MPP7: variants seen among roughly 807,000 people sequenced by gnomAD.
MPP7 encodes the protein MAGUK p55 scaffold protein 7, also known as MAGUK p55 subfamily member 7.
MPP7 carries 60 observed loss-of-function variants against 76.5 expected under a neutral mutation model. That is an observed-to-expected ratio of 0.78 (90% CI 0.64 to 0.97). The LOEUF is 0.97. Among genes scored for constraint, MPP7 ranks in the 50% least tolerant of loss-of-function variants. The pLI, the probability that MPP7 is intolerant of heterozygous loss-of-function variation, is 0.00. For synonymous variants in MPP7, 237 were observed against 244.5 expected (o/e 0.97, Z 0.29); for missense variants, 641 against 694.0 (o/e 0.92, Z 0.86).
At chr10:28,180,666 A>C (rs1837029894) in intron 3 of MPP7, among the ~76,000 whole-genome samples, 1 of 152,196 alleles carries the variant, frequency 6.6e-6, no homozygotes, top group Non-Finnish European at 1.5e-5. Flanking sequence ...ATAACAACGA[A>C]AGTTTATATT....
chr10:28,199,302 C>T (rs1837693648), intron 3 of MPP7, among the ~76,000 whole-genome samples: 1 of 152,140 alleles, frequency 6.6e-6, no homozygotes, highest in African/African-American at 2.4e-5. Flanking sequence ...ACTTCTCAGG[C>T]ATTCTCTCAG....
At chr10:28,059,297 T>C (rs1851684377) in intron 14 of MPP7, among the ~76,000 whole-genome samples, 2 of 152,164 alleles carry the variant, frequency 1.3e-5, no homozygotes, top group Admixed American at 1.3e-4. Context: ...ACGCTGGACC[T>C]AGTGATATAC....
chr10:28,194,007 T>C (rs911411037), intron 3 of MPP7, among the ~76,000 whole-genome samples: 5 of 151,978 alleles, frequency 3.3e-5, no homozygotes, highest in African/African-American at 1.2e-4. Context: ...AGCTTCTTTT[T>C]GTTTGTTTGT....
chr10:28,167,310 C>CAAAAAAAA (rs747188721), intron 3 of MPP7, among the ~76,000 whole-genome samples: 1,480 of 67,584 alleles, frequency 0.022, 22 homozygotes, highest in Admixed American at 0.031. Flanking sequence ...GGCTCTGCCT[C>CAAAAAAAA]AAAAAAACAA....
At chr10:28,322,451 G>GA (rs1834376566) in intron 2 of MPP7, among the ~76,000 whole-genome samples, 2 of 152,046 alleles carry the variant, frequency 1.3e-5, no homozygotes. Context: ...AAAAAACTTT[G>GA]AAAAACCCTC....
At chr10:28,189,891 G>C (rs2124954) in intron 3 of MPP7, among the ~76,000 whole-genome samples, 76,072 of 151,676 alleles carry the variant, frequency 0.5, 21,391 homozygotes, top group Middle Eastern at 0.72. Flanking sequence ...TGTCAGAATG[G>C]ATAAAAAGAA....
chr10:28,199,283 C>G (rs1837693090), intron 3 of MPP7, among the ~76,000 whole-genome samples: 1 of 152,162 alleles, frequency 6.6e-6, no homozygotes, highest in Non-Finnish European at 1.5e-5. Flanking sequence ...TAAACCATAT[C>G]AATATGAGAC....
chr10:28,225,739 T>C (rs1248731646), intron 2 of MPP7, among the ~76,000 whole-genome samples: 2 of 152,192 alleles, frequency 1.3e-5, no homozygotes, highest in Non-Finnish European at 2.9e-5. Context: ...GCGGCATCCA[T>C]GGAAAATAGG....
chr10:28,080,008 G>A (rs1852683801), intron 12 of MPP7, among the ~76,000 whole-genome samples: 1 of 146,700 alleles, frequency 6.8e-6, no homozygotes, highest in East Asian at 2.1e-4. Flanking sequence ...TATAATCCCA[G>A]CGGAAGAATG....
intron 2 of MPP7, among the ~76,000 whole-genome samples, chr10:28,324,950 G>C (rs550959890): frequency 6.6e-5 from 10 of 152,278 alleles, no homozygotes; most frequent in African/African-American, 1.9e-4. Flanking sequence ...CAGTTCCAAA[G>C]CCTGTGTTCA....
chr10:28,056,045 T>C (rs1463229978), intron 16 of MPP7, among the ~76,000 whole-genome samples: 1 of 152,182 alleles, frequency 6.6e-6, no homozygotes, highest in African/African-American at 2.4e-5. Context: ...GTATCTTACA[T>C]CTTATCTACT....
chr10:28,246,293 ACAAT>A (rs1350778828), intron 1 of MPP7, among the ~76,000 whole-genome samples: 2 of 151,578 alleles, frequency 1.3e-5, no homozygotes, highest in East Asian at 1.9e-4. Flanking sequence ...GTAAGATGAT[ACAAT>A]CAAAGTGGTG....
rs187136590 is a variant in MPP7, at chr10:28,090,726, A to G, written c.953-885T>C. On this transcript the variant is annotated intron_variant, in intron 11 of 16. Coordinates refer to ENST00000683449, the MANE Select transcript of MPP7 (RefSeq NM_001318170.2). ...CAGAACAAAGCTCACCCAGTCAACA[A>G]TTAGTTGATCTTCAGCAAGTCAGTT... 3.5e-4 allele frequency among the ~76,000 whole-genome samples: 53 copies of G among 152,358 alleles called. No homozygotes were observed. In the East Asian group the frequency reaches 7.5e-3, roughly 22 times the overall value.
At chr10:28,221,764 G>C (rs538221477) in intron 2 of MPP7, among the ~76,000 whole-genome samples, 2 of 152,286 alleles carry the variant, frequency 1.3e-5, no homozygotes, top group Admixed American at 1.3e-4. Flanking sequence ...CTTAAAACAT[G>C]TTCACTGGAG....
chr10:28,141,391 C>G (rs2985524), intron 5 of MPP7, among the ~76,000 whole-genome samples: 138,364 of 152,092 alleles, frequency 0.91, 62,995 homozygotes, highest in African/African-American at 0.95. Flanking sequence ...AATAAGGTAA[C>G]GGGGGAAATT....
chr10:28,067,888 A>T (rs1309036101), intron 13 of MPP7, among the ~76,000 whole-genome samples: 1 of 152,122 alleles, frequency 6.6e-6, no homozygotes, highest in Non-Finnish European at 1.5e-5. Context: ...TTGGTTTCGA[A>T]TCCAAGTGCA....
At chr10:28,166,251 A>C (rs11006903) in intron 3 of MPP7, among the ~76,000 whole-genome samples, 24,318 of 151,900 alleles carry the variant, frequency 0.16, 2,276 homozygotes, top group East Asian at 0.37. Flanking sequence ...AATAAGTTAT[A>C]ATTTACTAGG....
At chr10:28,149,880 T>G in intron 4 of MPP7, 102 bp downstream of exon 4, 1 of 712,216 alleles carries the variant, frequency 1.4e-6, no homozygotes, top group South Asian at 2.0e-5. Context: ...TCTTCTGCTT[T>G]TCACTCATAG....
intron 13 of MPP7, among the ~76,000 whole-genome samples, chr10:28,063,574 A>G (rs1251488645): frequency 6.6e-6 from 1 of 152,082 alleles, no homozygotes; most frequent in Non-Finnish European, 1.5e-5. Context: ...CAGGCCACAC[A>G]GAAGGTGAGC....
Sources: gnomAD v4.1 joint callset for allele counts (sites outside exome capture counted in the v4.1 genomes callset) on GRCh38, gnomAD v4.1.1 for gene constraint, MANE v1.5 for transcripts, NCBI Gene and HGNC (gene_info 2026-07-23, HGNC 2026-07-21) for gene names.